The following SYN2 variants were observed in gnomAD, a reference collection of about 807,000 sequenced individuals.
The protein encoded by SYN2 is synapsin II.
Under a neutral mutation model 50.9 loss-of-function variants are expected in SYN2, and 19 were observed. The observed-to-expected ratio is 0.37, with a 90% CI of 0.26 to 0.55. The LOEUF (loss-of-function observed/expected upper bound fraction) is 0.55, where lower values mean the gene tolerates loss of function less well. SYN2 is among the 20% of genes least tolerant of loss of function. The probability of loss-of-function intolerance (pLI) is 0.81; values close to 1 mark genes in which losing one functional copy is unlikely to be tolerated. For synonymous variants in SYN2, 255 were observed against 224.9 expected (o/e 1.13, Z -1.20); for missense variants, 587 against 576.4 (o/e 1.02, Z -0.19).
chr3:12,074,203 G>A (rs1695422131), intron 1 of SYN2, among the ~76,000 whole-genome samples: 1 of 151,834 alleles, frequency 6.6e-6, no homozygotes, highest in Non-Finnish European at 1.5e-5. Context: ...TTTACTTTCA[G>A]CCTTTCTATG....
intron 1 of SYN2, among the ~76,000 whole-genome samples, chr3:12,093,548 T>C (rs1194589591): frequency 1.3e-5 from 2 of 152,190 alleles, no homozygotes; most frequent in African/African-American, 4.8e-5. Flanking sequence ...TTGGTCTTAA[T>C]AATGGGCTTA....
At chr3:12,160,686 C>T (rs901623350) in intron 5 of SYN2, among the ~76,000 whole-genome samples, 5 of 152,176 alleles carry the variant, frequency 3.3e-5, no homozygotes, top group Non-Finnish European at 7.3e-5. Context: ...GGCTGAGGCC[C>T]AGTGAGATAC....
At chr3:12,184,194 T>C (rs1698289591) in intron 11 of SYN2, 1 of 985,540 alleles carries the variant, frequency 1.0e-6, no homozygotes. Context: ...TATTTTATTA[T>C]TAACTAATTA....
chr3:12,089,091 A>G (rs1242299859), intron 1 of SYN2, among the ~76,000 whole-genome samples: 1 of 152,246 alleles, frequency 6.6e-6, no homozygotes, highest in Admixed American at 6.5e-5. Context: ...TCTTTCTGCA[A>G]CATATACACA....
At chr3:12,019,104 G>T (rs914304033) in intron 1 of SYN2, among the ~76,000 whole-genome samples, 4 of 152,168 alleles carry the variant, frequency 2.6e-5, no homozygotes, top group Non-Finnish European at 4.4e-5. Flanking sequence ...AGATGTGAAC[G>T]TGTTTTCTGA....
intron 1 of SYN2, among the ~76,000 whole-genome samples, chr3:12,106,238 A>C (rs936368377): frequency 6.6e-6 from 1 of 152,112 alleles, no homozygotes; most frequent in Non-Finnish European, 1.5e-5. Flanking sequence ...TGGTACATCA[A>C]ATCCTTCTCA....
At position 12,123,214 on chromosome 3, in the gene SYN2, A is replaced by C. The variant is rs540582470; in HGVS notation, c.378-17437A>C. On this transcript the variant is annotated intron_variant, in intron 1 of 12. Coordinates refer to ENST00000621198, the MANE Select transcript of SYN2 (RefSeq NM_133625.6). ...AGGTAATAGTTGAAGTTTTTCCATA[A>C]TTGATAAAAGACATCAATTGGGAAG... is the stretch of plus-strand genomic sequence containing the variant. 2.6e-5 allele frequency among the ~76,000 whole-genome samples: 4 copies of C among 152,352 alleles called. No individual in the cohort carries two copies. The South Asian group carries it at 8.3e-4, about 32-fold the overall frequency.
intron 3 of SYN2, among the ~76,000 whole-genome samples, chr3:12,143,275 C>G (rs1697069468): frequency 6.6e-6 from 1 of 152,076 alleles, no homozygotes. Context: ...CTAACAGATG[C>G]CATATTTCTG....
intron 11 of SYN2, chr3:12,185,430 G>GT: frequency 1.0e-6 from 1 of 985,790 alleles, no homozygotes; most frequent in Admixed American, 6.1e-5. Context: ...GGTCTTTCAG[G>GT]TGGGGGAGAA....
intron 1 of SYN2, among the ~76,000 whole-genome samples, chr3:12,040,577 C>T (rs989162214): frequency 1.4e-4 from 21 of 151,826 alleles, no homozygotes; most frequent in Admixed American, 3.9e-4. Flanking sequence ...GGACTACAGA[C>T]GCCCGCCACC....
chr3:12,145,153 G>A (rs1235188647), intron 3 of SYN2, among the ~76,000 whole-genome samples: 2 of 152,190 alleles, frequency 1.3e-5, no homozygotes, highest in Non-Finnish European at 2.9e-5. Context: ...TGCACTCCCA[G>A]CACTTTGGGT....
intron 11 of SYN2, among the ~76,000 whole-genome samples, chr3:12,186,129 T>C (rs767256322): frequency 1.3e-5 from 2 of 150,338 alleles, no homozygotes; most frequent in Non-Finnish European, 2.9e-5. Flanking sequence ...GTGCAGATGT[T>C]CTGGTGTTTC....
At chr3:12,115,843 G>A (rs748445340) in intron 1 of SYN2, among the ~76,000 whole-genome samples, 17 of 152,074 alleles carry the variant, frequency 1.1e-4, no homozygotes, top group Non-Finnish European at 1.6e-4. Flanking sequence ...ATGAATTGTT[G>A]GCTTCCTCAC....
intron 11 of SYN2, chr3:12,185,582 T>C (rs1698325557): frequency 7.1e-6 from 7 of 985,788 alleles, no homozygotes; most frequent in African/African-American, 1.7e-5. Flanking sequence ...AGGTGTTTTG[T>C]ACCTATTTCT....
chr3:12,085,121 AAAAT>A (rs200673797), intron 1 of SYN2, among the ~76,000 whole-genome samples: 3 of 130,892 alleles, frequency 2.3e-5, no homozygotes, highest in East Asian at 2.3e-4. Flanking sequence ...AAAAAAAAAA[AAAAT>A]ATGTTGCCTA....
intron 1 of SYN2, among the ~76,000 whole-genome samples, chr3:12,080,562 C>G (rs1695564835): frequency 1.3e-5 from 2 of 152,140 alleles, no homozygotes; most frequent in Admixed American, 6.5e-5. Context: ...ATTATTTACC[C>G]AGGAGTCTAT....
rs1253175812 is a variant in SYN2 at position 12,051,547 on chromosome 3, T to C, written c.377+46619T>C. Among the ~76,000 whole-genome samples the C allele has an allele frequency of 2.0e-5, 3 of 152,332 alleles. No homozygotes were observed. The East Asian group carries it at 5.8e-4, about 29-fold the overall frequency. ...TATTTCTTTTAGTACATATGAATCCTCAAATGTAAGAACTGAAAGGTCTTA... is the reference window on the plus strand; with the variant it reads ...TATTTCTTTTAGTACATATGAATCCCCAAATGTAAGAACTGAAAGGTCTTA... On this transcript the variant is annotated intron_variant, in intron 1 of 12. Coordinates refer to ENST00000621198, the MANE Select transcript of SYN2 (RefSeq NM_133625.6).
At chr3:12,055,421 G>A (rs1021004572) in intron 1 of SYN2, among the ~76,000 whole-genome samples, 2 of 152,022 alleles carry the variant, frequency 1.3e-5, no homozygotes, top group African/African-American at 4.8e-5. Context: ...AAATGAATGA[G>A]CTCCATTTTG....
chr3:12,124,545 T>A (rs1696624371), intron 1 of SYN2, among the ~76,000 whole-genome samples: 1 of 152,150 alleles, frequency 6.6e-6, no homozygotes, highest in African/African-American at 2.4e-5. Context: ...ATAAGAAATT[T>A]CAGAGTAAAC....
Sources: allele counts gnomAD v4.1 joint callset (sites outside exome capture counted in the v4.1 genomes callset), GRCh38; gene constraint gnomAD v4.1.1; transcripts MANE v1.5; gene names NCBI Gene and HGNC (gene_info 2026-07-23, HGNC 2026-07-21).